The following DNASE1L3 variants were observed in gnomAD, a reference collection of about 807,000 sequenced individuals.
The protein encoded by DNASE1L3 is deoxyribonuclease 1L3.
A neutral mutation model predicts 30.9 loss-of-function variants in DNASE1L3; 27 were observed. The observed-to-expected ratio is 0.87, with a 90% CI of 0.64 to 1.20. DNASE1L3 has a LOEUF of 1.20. Ranked by LOEUF, DNASE1L3 falls within the 50% of genes most tolerant of loss-of-function variation. The pLI is 0.00. For synonymous variants in DNASE1L3, 135 were observed against 138.0 expected, an observed-to-expected ratio of 0.98 and a Z score of 0.15; for missense variants, 364 against 378.2, an observed-to-expected ratio of 0.96 and a Z score of 0.31.
intron 3 of DNASE1L3, among the ~76,000 whole-genome samples, 177 bp from the exon 4 acceptor site, chr3:58,205,058 G>A (rs896815039): frequency 3.9e-5 from 6 of 152,190 alleles, no homozygotes; most frequent in African/African-American, 9.7e-5. Flanking sequence ...GAGCTGTTGC[G>A]AATCTGGGAG....
At position 58,197,951 on chromosome 3, in the gene DNASE1L3, C is replaced by T; in HGVS notation, c.574G>A (p.Ala192Thr). The change falls in exon 6 of 8, where the codon GCC becomes ACC. Residue 192 changes from alanine to threonine, a missense_variant. Physicochemically the swap from Ala to Thr is moderately conservative, Grantham distance 58 (BLOSUM62 0). Transcript: ENST00000394549. This position sits in a 1 kb window ranked among gnomAD's most constrained non-coding sequence, Gnocchi z 5.3. ...ENFIFMGDFNAGCSYVPKKAW... is the reference protein window; with the variant it reads ...ENFIFMGDFNTGCSYVPKKAW... ...TTCTTGGGGACGTAGCTGCAGCCGG[C>T]ATTGAAGTCACCCATGAAAATGAAA... 1 of 1,612,988 alleles carries T rather than the reference C, an allele frequency of 6.2e-7. No individual in the cohort carries two copies. Among genetic ancestry groups the T allele is most frequent in the Non-Finnish European group, 8.5e-7 (1 of 1,179,434 alleles).
intron 7 of DNASE1L3, 43 bp downstream of exon 7, chr3:58,193,300 C>T (rs1242088518): frequency 1.2e-6 from 2 of 1,604,292 alleles, no homozygotes; most frequent in South Asian, 1.1e-5. Context: ...GCTAACTCAT[C>T]TTTCCAGGAC....
chr3:58,193,026 C>T, intron 7 of DNASE1L3: 1 of 1,431,522 alleles, frequency 7.0e-7, no homozygotes, highest in South Asian at 1.6e-5. Context: ...AGGTCTAGTG[C>T]CCAATGTTGT....
chr3:58,192,909 C>G lies in DNASE1L3; in HGVS notation c.802-106G>C. The stretch of plus-strand genomic sequence containing the variant: ...GGACCAGGGAGGGGAGAGGAAATGC[C>G]CGAAGTCACCCCACAGAACACTTAC... On this transcript the variant is annotated intron_variant, in intron 7 of 7. Coordinates refer to ENST00000394549, the MANE Select transcript of DNASE1L3 (RefSeq NM_004944.4). The surrounding 1 kb of genome is among the most constrained non-coding windows in gnomAD (Gnocchi z 4.8). 6.6e-7 allele frequency: 1 copy of G among 1,517,000 alleles called. No individual in the cohort carries two copies. Among genetic ancestry groups the G allele is most frequent in the East Asian group, 2.3e-5 (1 of 43,346 alleles). The allele number at this position is 1,517,000 out of a possible 1,614,324, so 94.0% of individuals were successfully genotyped here. A position where few individuals can be genotyped will look rare whatever the true frequency, so the allele number is the denominator to read the frequency against.
chr3:58,192,738 G>C lies in DNASE1L3; in HGVS notation c.867C>G (p.Asn289Lys). 1 of 1,614,170 alleles carries C rather than the reference G, an allele frequency of 6.2e-7. No homozygotes were observed. Among genetic ancestry groups the C allele is most frequent in the East Asian group, 2.2e-5 (1 of 44,888 alleles). The stretch of plus-strand genomic sequence containing the variant: ...TCCTTAGAGTGACAGATTTTTTGCT[G>C]TTGGTGAAGGCCCTTGAAGACTGTA... ...FKLQSSRAFT[N>K]SKKSVTLRKK... Residue 289 changes from asparagine (N) to lysine (K), a missense_variant, in exon 8 of 8, where the codon AAC becomes AAG. Transcript: ENST00000394549. This position sits in a 1 kb window ranked among gnomAD's most constrained non-coding sequence, Gnocchi z 4.8.
At position 58,198,680 on chromosome 3, in the gene DNASE1L3, A is replaced by G. The variant is rs1248751553; in HGVS notation, c.547-702T>C. On this transcript the variant is annotated intron_variant, in intron 5 of 7. Transcript: ENST00000394549. ...GGTGTGGATAAAAAAAATTTCAGTG[A>G]ATCTATTCCCTCACATCTTTTGTCC... Among the ~76,000 whole-genome samples, 14 of 152,148 alleles carry G rather than the reference A, an allele frequency of 9.2e-5. 1 individual carries two copies. The highest frequency in any genetic ancestry group is 9.2e-4 in the Admixed American group (14 of 15,272).
chr3:58,205,364 G>T, intron 3 of DNASE1L3, 107 bp downstream of exon 3: 1 of 985,958 alleles, frequency 1.0e-6, no homozygotes, highest in Non-Finnish European at 1.6e-6. Context: ...GATGAACACT[G>T]AGAATTGGTT....
intron 4 of DNASE1L3, among the ~76,000 whole-genome samples, chr3:58,201,751 T>C (rs2107374675): frequency 6.6e-6 from 1 of 152,362 alleles, no homozygotes. Context: ...CTCCAGCCAA[T>C]AGAGAGACAG....
chr3:58,200,451 A>G lies in DNASE1L3; in HGVS notation c.546+546T>C, dbSNP rs1225816201. On this transcript the variant is annotated intron_variant, in intron 5 of 7. Transcript: ENST00000394549. This position sits in a 1 kb window ranked among gnomAD's most constrained non-coding sequence, Gnocchi z 4.2. The stretch of plus-strand genomic sequence containing the variant: ...ACAGAGGAAAGGGCAACCAGGAGAT[A>G]GAAAGGAAGAGACAAATCAAGCTCT... Among the ~76,000 whole-genome samples, 1 of 152,224 alleles carries G rather than the reference A, an allele frequency of 6.6e-6. No individual in the cohort carries two copies. The highest frequency in any genetic ancestry group is 2.4e-5 in the African/African-American group (1 of 41,464).
chr3:58,197,818 T>C lies in DNASE1L3; in HGVS notation c.704+3A>G. The stretch of plus-strand genomic sequence containing the variant: ...GCCAGCAGCACCCTGCAGGGCCTCC[T>C]ACCTGTCATATGCACAGTTGGTGCT... On this transcript the variant is annotated splice_donor_region_variant and intron_variant, in intron 6 of 7. Coordinates refer to ENST00000394549, the MANE Select transcript of DNASE1L3 (RefSeq NM_004944.4). This position sits in a 1 kb window ranked among gnomAD's most constrained non-coding sequence, Gnocchi z 5.3. The C allele has an allele frequency of 6.2e-7, 1 of 1,613,708 alleles. No homozygotes were observed. The highest frequency in any genetic ancestry group is 8.5e-7 in the Non-Finnish European group (1 of 1,180,016).
intron 6 of DNASE1L3, among the ~76,000 whole-genome samples, chr3:58,194,404 C>T (rs1211342771): frequency 6.7e-5 from 10 of 149,342 alleles, no homozygotes; most frequent in African/African-American, 2.5e-4. Context: ...ACTGCAACCT[C>T]CACCTTCCGG....
intron 4 of DNASE1L3, among the ~76,000 whole-genome samples, chr3:58,204,059 G>A (rs887216350): frequency 3.9e-5 from 6 of 152,100 alleles, no homozygotes; most frequent in African/African-American, 1.4e-4. Flanking sequence ...CACCCGCTGC[G>A]GCCTGTGGAG....
chr3:58,192,931 T>G lies in DNASE1L3; in HGVS notation c.802-128A>C. 1 of 1,478,010 alleles carries G rather than the reference T, an allele frequency of 6.8e-7. No homozygotes were observed. Among genetic ancestry groups the G allele is most frequent in the Non-Finnish European group, 8.9e-7 (1 of 1,122,076 alleles). 91.6% of individuals were successfully genotyped at this position (1,478,010 alleles called of 1,614,324 possible). A position where few individuals can be genotyped will look rare whatever the true frequency, so the allele number is the denominator to read the frequency against. ...TGCCCGAAGTCACCCCACAGAACAC[T>G]TACTGGTAAGCGTCATTCCAAGACC... On this transcript the variant is annotated intron_variant, in intron 7 of 7. Transcript: ENST00000394549. This position sits in a 1 kb window ranked among gnomAD's most constrained non-coding sequence, Gnocchi z 4.8.
intron 4 of DNASE1L3, among the ~76,000 whole-genome samples, chr3:58,203,858 C>A (rs975356217): frequency 2.0e-5 from 3 of 152,064 alleles, no homozygotes; most frequent in African/African-American, 7.2e-5. Context: ...GGGTTACAAC[C>A]CTGGCCTGTC....
rs1274402181 is a variant in DNASE1L3, at chr3:58,200,574, A to G, written c.546+423T>C. Among the ~76,000 whole-genome samples the G allele has an allele frequency of 1.3e-5, 2 of 152,114 alleles. No individual in the cohort carries two copies. The highest frequency in any genetic ancestry group is 2.9e-5 in the Non-Finnish European group (2 of 68,016). On this transcript the variant is annotated intron_variant, in intron 5 of 7. Transcript: ENST00000394549. This position sits in a 1 kb window ranked among gnomAD's most constrained non-coding sequence, Gnocchi z 4.2. ...CAATTGCTCCTTTTTTTCATGAGCC[A>G]TGTTAAGATTCTGTCCCTTGCAACT... is the stretch of plus-strand genomic sequence containing the variant.
At position 58,193,392 on chromosome 3, in the gene DNASE1L3, G is replaced by T. The variant is rs2097395316; in HGVS notation, c.752C>A (p.Ser251Ter). 1 of 1,614,004 alleles carries T rather than the reference G, an allele frequency of 6.2e-7. No homozygotes were observed. Among genetic ancestry groups the T allele is most frequent in the Non-Finnish European group, 8.5e-7 (1 of 1,180,026 alleles). ...QEIVSSVVPK[S>*]NSVFDFQKAY... ...TTTCTGGAAGTCAAAAACACTGTTT[G>T]ACTTGGGAACAACAGAACTGACGAT... The change falls in exon 7 of 8, where the codon TCA (serine) becomes TAA (stop). Residue 251 changes from serine to a stop codon, truncating the protein, a stop_gained. Coordinates refer to ENST00000394549, the MANE Select transcript of DNASE1L3 (RefSeq NM_004944.4). LOFTEE classifies it high-confidence loss of function.
At chr3:58,209,739 G>A (rs17059007) in intron 1 of DNASE1L3, among the ~76,000 whole-genome samples, 43,392 of 152,028 alleles carry the variant, frequency 0.29, 6,637 homozygotes, top group East Asian at 0.37. Flanking sequence ...GGATGTGGTC[G>A]CCATTTTACT....
chr3:58,196,582 G>T (rs1241570302), intron 6 of DNASE1L3, among the ~76,000 whole-genome samples: 1 of 141,584 alleles, frequency 7.1e-6, no homozygotes, highest in Non-Finnish European at 1.5e-5. Flanking sequence ...AAAAAACTCC[G>T]AGAGGAAGTG....
chr3:58,209,286 G>C (rs936092826), intron 1 of DNASE1L3, among the ~76,000 whole-genome samples: 1 of 152,196 alleles, frequency 6.6e-6, no homozygotes, highest in African/African-American at 2.4e-5. Context: ...CAGCTGCTCA[G>C]GGGAGATGCA....
Sources: gnomAD v4.1 joint callset for allele counts (sites outside exome capture counted in the v4.1 genomes callset) on GRCh38, gnomAD v4.1.1 for gene constraint, Gnocchi (gnomAD v3.1) non-coding constraint, MANE v1.5 for transcripts, NCBI Gene and HGNC (gene_info 2026-07-23, HGNC 2026-07-21) for gene names.